Variants in FAM171A1 observed in about 807,000 individuals in gnomAD.
FAM171A1 encodes the protein family with sequence similarity 171 member A1, also known as protein FAM171A1.
Under a neutral mutation model 74.9 loss-of-function variants are expected in FAM171A1, and 23 were observed. That is an observed-to-expected ratio of 0.31 (90% confidence interval 0.22 to 0.44). FAM171A1 has a LOEUF of 0.44. FAM171A1 is among the 20% of genes least tolerant of loss of function. The pLI is 1.00. For missense variants in FAM171A1, 1,162 were observed against 1,159.2 expected, an observed-to-expected ratio of 1.00 and a Z score of -0.03; for synonymous variants, 527 against 505.7, an observed-to-expected ratio of 1.04 and a Z score of -0.57.
intron 1 of FAM171A1, among the ~76,000 whole-genome samples, chr10:15,315,674 G>A (rs1835413760): frequency 6.6e-6 from 1 of 152,168 alleles, no homozygotes; most frequent in Non-Finnish European, 1.5e-5. Context: ...CGAGATCACA[G>A]AGACCTTGAT....
At chr10:15,229,256 TC>T (rs533323699) in intron 5 of FAM171A1, among the ~76,000 whole-genome samples, 465 of 152,308 alleles carry the variant, frequency 3.1e-3, no homozygotes, top group Admixed American at 5.2e-3. Flanking sequence ...TGCTGTTGTT[TC>T]ATTTTTCAGC....
chr10:15,344,449 C>T (rs181728181), intron 1 of FAM171A1, among the ~76,000 whole-genome samples: 6 of 152,108 alleles, frequency 3.9e-5, no homozygotes, highest in South Asian at 2.1e-4. Flanking sequence ...CTTGGGAGGA[C>T]GAGGTGGGAG....
At chr10:15,280,093 A>T (rs986170998) in intron 2 of FAM171A1, among the ~76,000 whole-genome samples, 1 of 152,068 alleles carries the variant, frequency 6.6e-6, no homozygotes, top group Non-Finnish European at 1.5e-5. Flanking sequence ...TCTCAAAAAG[A>T]AGAAAAAAAC....
intron 1 of FAM171A1, among the ~76,000 whole-genome samples, chr10:15,343,296 G>C (rs372370103): frequency 6.6e-6 from 1 of 152,214 alleles, no homozygotes; most frequent in African/African-American, 2.4e-5. Context: ...TTGAGCCCAG[G>C]AGTTCGAGGC....
Position 15,361,999 on chromosome 10 carries a change from C to A in FAM171A1, c.97+8957G>T, listed in dbSNP as rs567764514. ...TCTCTGGTAAACTCAATTTTCACTTCCAAGGTATCTTTTCCTAAGCTAACT... is the reference window on the plus strand; with the variant it reads ...TCTCTGGTAAACTCAATTTTCACTTACAAGGTATCTTTTCCTAAGCTAACT... On this transcript the variant is annotated intron_variant, in intron 1 of 7. Coordinates refer to ENST00000378116, the MANE Select transcript of FAM171A1 (RefSeq NM_001010924.2). 3.3e-5 allele frequency among the ~76,000 whole-genome samples: 5 copies of A among 152,326 alleles called. No homozygotes were observed. In the South Asian group the frequency reaches 1.0e-3, roughly 32 times the overall value.
At chr10:15,248,384 G>T (rs991183962) in intron 5 of FAM171A1, among the ~76,000 whole-genome samples, 31 of 152,078 alleles carry the variant, frequency 2.0e-4, no homozygotes, top group African/African-American at 7.2e-4. Flanking sequence ...AACCTTTACA[G>T]ATTCTTTTCA....
rs534290560 is a variant in FAM171A1, at chr10:15,357,344, T to C, written c.97+13612A>G. Among the ~76,000 whole-genome samples the C allele has an allele frequency of 1.1e-4, 17 of 152,284 alleles. No homozygotes were observed. The East Asian group carries it at 3.3e-3, about 29-fold the overall frequency. ...AAATGGATGTATCTCAAAAAATCCA[T>C]GGTGAATAAAATAAACCAGAGTACC... On this transcript the variant is annotated intron_variant, in intron 1 of 7. Coordinates refer to ENST00000378116, the MANE Select transcript of FAM171A1 (RefSeq NM_001010924.2).
chr10:15,341,698 A>G (rs6602842), intron 1 of FAM171A1, among the ~76,000 whole-genome samples: 77 of 152,316 alleles, frequency 5.1e-4, no homozygotes, highest in South Asian at 4.4e-3. Context: ...AAGTTATCAG[A>G]GAGTATGCAG....
intron 1 of FAM171A1, among the ~76,000 whole-genome samples, chr10:15,350,653 T>C (rs1228854981): frequency 6.6e-6 from 1 of 151,266 alleles, no homozygotes; most frequent in African/African-American, 2.4e-5. Context: ...TTCTCTCTTT[T>C]TTTTTTTTTG....
intron 1 of FAM171A1, among the ~76,000 whole-genome samples, chr10:15,339,761 T>C (rs1835742907): frequency 6.6e-6 from 1 of 152,144 alleles, no homozygotes; most frequent in South Asian, 2.1e-4. Context: ...TTCGTCTGCC[T>C]TCACGCTGCT....
At position 15,255,890 on chromosome 10, in the gene FAM171A1, C is replaced by T. The variant is rs1315634785; in HGVS notation, c.419-1011G>A. Among the ~76,000 whole-genome samples the T allele has an allele frequency of 2.0e-5, 3 of 152,182 alleles. No individual in the cohort carries two copies. The East Asian group carries it at 5.8e-4, about 29-fold the overall frequency. On this transcript the variant is annotated intron_variant, in intron 3 of 7. Coordinates refer to ENST00000378116, the MANE Select transcript of FAM171A1 (RefSeq NM_001010924.2). ...CTTGAACTCCTGACCTCAGGTGATC[C>T]ACCCGCCTCAGCCTCCCAAAGTGTT...
intron 1 of FAM171A1, among the ~76,000 whole-genome samples, chr10:15,338,407 A>G (rs1248287066): frequency 1.3e-5 from 2 of 152,244 alleles, no homozygotes; most frequent in African/African-American, 4.8e-5. Context: ...AGCAATTAGC[A>G]AAGTCATTAG....
At position 15,361,565 on chromosome 10, in the gene FAM171A1, C is replaced by G. The variant is rs561413117; in HGVS notation, c.97+9391G>C. Among the ~76,000 whole-genome samples, 161 of 152,210 alleles carry G rather than the reference C, an allele frequency of 1.1e-3. 1 individual carries two copies. The highest frequency in any genetic ancestry group is 3.8e-3 in the African/African-American group (158 of 41,532). Reference sequence around the variant, plus strand: ...AGGTGAGGTGGTGTGCACCTGTAGTCCCAGCTACTCGGGAGGGTGAGGCAA... The same window carrying G: ...AGGTGAGGTGGTGTGCACCTGTAGTGCCAGCTACTCGGGAGGGTGAGGCAA... On this transcript the variant is annotated intron_variant, in intron 1 of 7. Transcript: ENST00000378116.
At chr10:15,289,974 A>C (rs1473843949) in intron 1 of FAM171A1, among the ~76,000 whole-genome samples, 3 of 152,226 alleles carry the variant, frequency 2.0e-5, no homozygotes, top group African/African-American at 7.2e-5. Context: ...TCACGCCTGT[A>C]ATCCCAGCAC....
At chr10:15,371,342 G>C (rs1376689049), upstream of FAM171A1, among the ~76,000 whole-genome samples, 1 of 144,796 alleles carries the variant, frequency 6.9e-6, no homozygotes, top group Non-Finnish European at 1.5e-5. Flanking sequence ...CCCAGGCCCC[G>C]GGCCCGTGGT....
intron 1 of FAM171A1, among the ~76,000 whole-genome samples, chr10:15,332,204 C>T (rs1356448557): frequency 6.6e-6 from 1 of 152,082 alleles, no homozygotes; most frequent in Non-Finnish European, 1.5e-5. Flanking sequence ...AATCTGCCTG[C>T]CTCTGCCTCC....
chr10:15,261,855 T>G (rs1460565258), intron 3 of FAM171A1, among the ~76,000 whole-genome samples: 1 of 152,122 alleles, frequency 6.6e-6, no homozygotes, highest in African/African-American at 2.4e-5. Flanking sequence ...TGGTGGCTCA[T>G]CCTTGTCATC....
intron 3 of FAM171A1, among the ~76,000 whole-genome samples, chr10:15,275,421 G>A (rs1000060899): frequency 6.6e-6 from 1 of 151,650 alleles, no homozygotes; most frequent in South Asian, 2.1e-4. Context: ...CAAGTAGATG[G>A]GATTACAGGC....
chr10:15,258,462 A>G lies in FAM171A1; in HGVS notation c.419-3583T>C, dbSNP rs1211636423. Among the ~76,000 whole-genome samples the G allele has an allele frequency of 3.9e-5, 6 of 152,072 alleles. No homozygotes were observed. In the South Asian group the frequency reaches 1.0e-3, roughly 26 times the overall value. On this transcript the variant is annotated intron_variant, in intron 3 of 7. Coordinates refer to ENST00000378116, the MANE Select transcript of FAM171A1 (RefSeq NM_001010924.2). Reference sequence around the variant, plus strand: ...CCACCTGTTTTTGCCTTCGTCAGCAATCTCTTTCTCTATAGGCTTTTCCTC... The same window carrying G: ...CCACCTGTTTTTGCCTTCGTCAGCAGTCTCTTTCTCTATAGGCTTTTCCTC...
Sources: gnomAD v4.1 joint callset for allele counts (sites outside exome capture counted in the v4.1 genomes callset) on GRCh38, gnomAD v4.1.1 for gene constraint, MANE v1.5 for transcripts, NCBI Gene and HGNC (gene_info 2026-07-23, HGNC 2026-07-21) for gene names.